Variants in TTC7B observed in about 807,000 individuals in gnomAD.
The protein encoded by TTC7B is tetratricopeptide repeat protein 7B.
TTC7B carries 28 observed loss-of-function variants against 106.8 expected under a neutral mutation model. That is an observed-to-expected ratio of 0.26 (90% CI 0.19 to 0.36). The LOEUF is 0.36. Ranked by LOEUF, TTC7B falls within the 10% of genes least tolerant of loss-of-function variation. TTC7B has a pLI of 1.00. For synonymous variants in TTC7B, 405 were observed against 430.6 expected, an observed-to-expected ratio of 0.94 and a Z score of 0.74; for missense variants, 862 against 1,076.4, an observed-to-expected ratio of 0.80 and a Z score of 2.79.
At chr14:90,809,909 G>GTAGC (rs1315186247) in intron 1 of TTC7B, among the ~76,000 whole-genome samples, 3 of 152,230 alleles carry the variant, frequency 2.0e-5, no homozygotes, top group East Asian at 3.8e-4. Context: ...AAAACAGCTG[G>GTAGC]TAGCTAGTGA....
rs748718342 is a variant in TTC7B at position 90,524,993 on chromosome 14, C to T, written c.*16375G>A. On this transcript the variant is annotated 3_prime_UTR_variant, in exon 20 of 20. Coordinates refer to ENST00000328459, the MANE Select transcript of TTC7B (RefSeq NM_001010854.2). ...AAGTATACAGTTCAATATGTCTTGACATTTGTATCTATCCATGAAGCCATC... is the reference window on the plus strand; with the variant it reads ...AAGTATACAGTTCAATATGTCTTGATATTTGTATCTATCCATGAAGCCATC... The T allele has an allele frequency of 2.0e-5, 3 of 152,094 alleles. No homozygotes were observed. The highest frequency in any genetic ancestry group is 4.4e-5 in the Non-Finnish European group (3 of 68,024). 9.4% of individuals were successfully genotyped at this position (152,094 alleles called of 1,614,324 possible).
intron 19 of TTC7B, among the ~76,000 whole-genome samples, chr14:90,572,873 A>G (rs1891086562): frequency 6.6e-6 from 1 of 151,858 alleles, no homozygotes; most frequent in African/African-American, 2.4e-5. Context: ...CTCCCAACCC[A>G]CCACACCTAA....
intron 3 of TTC7B, among the ~76,000 whole-genome samples, chr14:90,754,369 C>T (rs1251308472): frequency 6.6e-6 from 1 of 152,202 alleles, no homozygotes; most frequent in African/African-American, 2.4e-5. Flanking sequence ...AGCCAGACTC[C>T]TTGCTTTCTA....
chr14:90,656,502 C>G (rs936696972), intron 11 of TTC7B, among the ~76,000 whole-genome samples: 1 of 152,006 alleles, frequency 6.6e-6, no homozygotes, highest in African/African-American at 2.4e-5. Context: ...AAGAAAAACG[C>G]GTATGTGAAG....
rs924809866 is a variant in TTC7B, at chr14:90,570,622, A to G, written c.2310+7484T>C. Among the ~76,000 whole-genome samples the G allele has an allele frequency of 2.0e-5, 3 of 152,068 alleles. No individual in the cohort carries two copies. Among genetic ancestry groups the G allele is most frequent in the Admixed American group, 6.6e-5 (1 of 15,266 alleles). On this transcript the variant is annotated intron_variant, in intron 19 of 19. Coordinates refer to ENST00000328459, the MANE Select transcript of TTC7B (RefSeq NM_001010854.2). The surrounding 1 kb of genome is among the most constrained non-coding windows in gnomAD (Gnocchi z 4.0). Reference sequence around the variant, plus strand: ...ATATATTCTCATTTCGGCTCCTCCAACCAGTGAAAGTCAGTCACGCTGGTG... The same window carrying G: ...ATATATTCTCATTTCGGCTCCTCCAGCCAGTGAAAGTCAGTCACGCTGGTG...
At chr14:90,582,050 C>T (rs192522489) in intron 18 of TTC7B, among the ~76,000 whole-genome samples, 27 of 152,298 alleles carry the variant, frequency 1.8e-4, no homozygotes, top group Admixed American at 9.1e-4. Context: ...TAGGGTTACT[C>T]CCAAATCCCT....
At chr14:90,633,493 AG>A (rs1884791533) in intron 15 of TTC7B, among the ~76,000 whole-genome samples, 1 of 152,222 alleles carries the variant, frequency 6.6e-6, no homozygotes, top group African/African-American at 2.4e-5. Flanking sequence ...CCACCATAAA[AG>A]TATGATACTA....
In TTC7B at chr14:90,543,997, G is replaced by C. The variant is rs528409567; in HGVS notation, c.2311-2408C>G. ...TCCATAAGCCCCCAACAGGGGAGCT[G>C]GGGTGTCCACCCAGGAGGAGCACGT... On this transcript the variant is annotated intron_variant, in intron 19 of 19. Transcript: ENST00000328459. Among the ~76,000 whole-genome samples, 17 of 152,370 alleles carry C rather than the reference G, an allele frequency of 1.1e-4. No individual in the cohort carries two copies. The East Asian group carries it at 3.3e-3, about 29-fold the overall frequency.
At chr14:90,751,576 A>C (rs927232) in intron 3 of TTC7B, among the ~76,000 whole-genome samples, 3 of 151,368 alleles carry the variant, frequency 2.0e-5, no homozygotes, top group African/African-American at 4.9e-5. Flanking sequence ...CTTTTTATTT[A>C]TTTTTTTATT....
At chr14:90,602,076 G>A (rs1398898152) in intron 17 of TTC7B, 1 of 454,930 alleles carries the variant, frequency 2.2e-6, no homozygotes, top group African/African-American at 2.0e-5. Context: ...ATTTCAGAGG[G>A]TGGAATCAAC....
chr14:90,815,235 G>A (rs758096793), intron 1 of TTC7B, among the ~76,000 whole-genome samples: 2 of 152,118 alleles, frequency 1.3e-5, no homozygotes, highest in South Asian at 2.1e-4. Context: ...CGCTTTAGGC[G>A]GGTACTAAAA....
chr14:90,652,104 A>C (rs1187527769), intron 13 of TTC7B, among the ~76,000 whole-genome samples: 1 of 152,230 alleles, frequency 6.6e-6, no homozygotes, highest in East Asian at 1.9e-4. Flanking sequence ...ATGGTGGGGC[A>C]GGAGAAACTG....
rs1566758223 is a variant in TTC7B at position 90,540,138 on chromosome 14, T to C, written c.*1230A>G. 1 of 152,164 alleles carries C rather than the reference T, an allele frequency of 6.6e-6. No homozygotes were observed. The highest frequency in any genetic ancestry group is 1.9e-4 in the East Asian group (1 of 5,186). The allele number at this position is 152,164 out of a possible 1,614,324, so 9.4% of individuals were successfully genotyped here. A position where few individuals can be genotyped will look rare whatever the true frequency, so the allele number is the denominator to read the frequency against. On this transcript the variant is annotated 3_prime_UTR_variant, in exon 20 of 20. Transcript: ENST00000328459. ...CTACCTAGGGATCATCTTCAAATTATAAGTGAGGAGATGGCCGGGCATGGT... is the reference window on the plus strand; with the variant it reads ...CTACCTAGGGATCATCTTCAAATTACAAGTGAGGAGATGGCCGGGCATGGT...
rs1260026187 is a variant in TTC7B, at chr14:90,786,381, G to C, written c.122-53C>G. 6.9e-6 allele frequency: 11 copies of C among 1,600,762 alleles called. No homozygotes were observed. In the East Asian group the frequency reaches 2.2e-4, roughly 33 times the overall value. ...GGAGCAAGGAATGGCCTGCATGTAG[G>C]ACCCCCTCACTCAAGGGACCCCAGA... On this transcript the variant is annotated intron_variant, in intron 1 of 19. Transcript: ENST00000328459.
At position 90,575,008 on chromosome 14, in the gene TTC7B, C is replaced by G. The variant is rs1042158857; in HGVS notation, c.2310+3098G>C. On this transcript the variant is annotated intron_variant, in intron 19 of 19. Transcript: ENST00000328459. The surrounding 1 kb of genome is among the most constrained non-coding windows in gnomAD (Gnocchi z 5.2). ...TGACCCTGGCCTCCCTGGCCTCCCCCTCGCCGCTCTCCCTGTGTGCCAGGC... is the reference window on the plus strand; with the variant it reads ...TGACCCTGGCCTCCCTGGCCTCCCCGTCGCCGCTCTCCCTGTGTGCCAGGC... 6.6e-6 allele frequency among the ~76,000 whole-genome samples: 1 copy of G among 152,200 alleles called. No individual in the cohort carries two copies. The highest frequency in any genetic ancestry group is 6.5e-5 in the Admixed American group (1 of 15,286).
At chr14:90,691,340 G>T (rs1343153234) in intron 6 of TTC7B, among the ~76,000 whole-genome samples, 43 of 152,070 alleles carry the variant, frequency 2.8e-4, no homozygotes, top group Admixed American at 2.8e-3. Flanking sequence ...CTTCCTGAGA[G>T]ATTTTTTAAA....
intron 5 of TTC7B, among the ~76,000 whole-genome samples, chr14:90,718,287 G>A (rs1243083715): frequency 1.3e-5 from 2 of 152,200 alleles, no homozygotes; most frequent in Admixed American, 1.3e-4. Flanking sequence ...CACCCTCCTC[G>A]GAAGGAGGCC....
At position 90,816,313 on chromosome 14, in the gene TTC7B, C is replaced by G. The variant is rs1487989874; in HGVS notation, c.-18G>C. The stretch of plus-strand genomic sequence containing the variant: ...GTCGCCATCGCGGCCTGGCCGGGCC[C>G]GGCCGCCCGCCCCGCAGGCCCCACC... On this transcript the variant is annotated 5_prime_UTR_variant, in exon 1 of 20. Coordinates refer to ENST00000328459, the MANE Select transcript of TTC7B (RefSeq NM_001010854.2). The G allele has an allele frequency of 4.5e-6, 5 of 1,114,212 alleles. No homozygotes were observed. Among genetic ancestry groups the G allele is most frequent in the East Asian group, 1.0e-4 (1 of 10,002 alleles). 69.0% of individuals were successfully genotyped at this position (1,114,212 alleles called of 1,614,324 possible).
intron 3 of TTC7B, among the ~76,000 whole-genome samples, chr14:90,753,960 T>C (rs905056997): frequency 6.6e-6 from 1 of 152,232 alleles, no homozygotes; most frequent in Non-Finnish European, 1.5e-5. Context: ...AACTGAGAGT[T>C]TGCAACTTGA....
Sources: gnomAD v4.1 joint callset for allele counts (sites outside exome capture counted in the v4.1 genomes callset) on GRCh38, gnomAD v4.1.1 for gene constraint, Gnocchi (gnomAD v3.1) non-coding constraint, MANE v1.5 for transcripts, NCBI Gene and HGNC (gene_info 2026-07-23, HGNC 2026-07-21) for gene names.